ZFAND2B: variants seen among roughly 807,000 people sequenced by gnomAD.
ZFAND2B encodes the protein zinc finger AN1-type containing 2B.
A neutral mutation model predicts 38.2 loss-of-function variants in ZFAND2B; 27 were observed. That is an observed-to-expected ratio of 0.71 (90% confidence interval 0.52 to 0.97). The LOEUF is 0.97. Ranked by LOEUF, ZFAND2B falls within the 50% of genes least tolerant of loss-of-function variation. The probability of loss-of-function intolerance (pLI) is 0.00; values close to 1 mark genes in which losing one functional copy is unlikely to be tolerated. For synonymous variants in ZFAND2B, 111 were observed against 119.4 expected (o/e 0.93, Z 0.46); for missense variants, 303 against 331.5 (o/e 0.91, Z 0.67).
chr2:219,209,073 A>C (rs754477263), intron 8 of ZFAND2B, 24 bp downstream of exon 8: 1 of 1,613,724 alleles, frequency 6.2e-7, no homozygotes, highest in Non-Finnish European at 8.5e-7. Context: ...CTGAAGATAT[A>C]TGCTGCAGTG....
rs1304027894 is a variant in ZFAND2B at position 219,207,690 on chromosome 2, C to G, written c.193C>G (p.Pro65Ala). The G allele has an allele frequency of 7.4e-6, 12 of 1,614,042 alleles. No homozygotes were observed. Among genetic ancestry groups the G allele is most frequent in the African/African-American group, 1.3e-5 (1 of 74,926 alleles). Residue 65 changes from proline (P) to alanine (A), a missense_variant, in exon 3 of 9, where the codon CCT (proline) becomes GCT (alanine). Transcript: ENST00000289528. Reference sequence around the variant, plus strand: ...GTGCCCTCTCTGTAATGTGCCTGTGCCTGTGGCCAGAGGGGAGCCCCCTGA... The same window carrying G: ...GTGCCCTCTCTGTAATGTGCCTGTGGCTGTGGCCAGAGGGGAGCCCCCTGA... ...PVCPLCNVPV[P>A]VARGEPPDRA...
rs1950490723 is a variant in ZFAND2B, at chr2:219,206,873, A to AGGGGC, written c.-109_-105dup. 1.7e-6 allele frequency: 2 copies of AGGGGC among 1,147,598 alleles called. No individual in the cohort carries two copies. The highest frequency in any genetic ancestry group is 2.4e-6 in the Non-Finnish European group (2 of 822,644). 71.1% of individuals were successfully genotyped at this position (1,147,598 alleles called of 1,614,324 possible). Reference sequence around the variant, plus strand: ...AACCCGGGCTGGGCGGGGGAGAGGAAGGGGCGGGGCAGGGAGCCCGCCAGA... The same window carrying AGGGGC: ...AACCCGGGCTGGGCGGGGGAGAGGAAGGGGCGGGGCGGGGCAGGGAGCCCGCCAGA... On this transcript the variant is annotated 5_prime_UTR_variant, in exon 1 of 9. Transcript: ENST00000289528.
In ZFAND2B at chr2:219,209,555, C is replaced by T; in HGVS notation, c.*249C>T. The T allele has an allele frequency of 1.4e-6, 1 of 695,036 alleles. No individual in the cohort carries two copies. The highest frequency in any genetic ancestry group is 2.7e-6 in the Non-Finnish European group (1 of 371,812). 43.1% of individuals were successfully genotyped at this position (695,036 alleles called of 1,614,324 possible). On this transcript the variant is annotated 3_prime_UTR_variant, in exon 9 of 9. Coordinates refer to ENST00000289528, the MANE Select transcript of ZFAND2B (RefSeq NM_138802.3). ...CAGGCCCTACTCTTAGCCCCTTCAT[C>T]ATGTCATCTCCCTTATGCTGGAGCT... is the stretch of plus-strand genomic sequence containing the variant.
rs1323887343 is a variant in ZFAND2B at position 219,207,721 on chromosome 2, C to G, written c.224C>G (p.Ala75Gly). 6.2e-7 allele frequency: 1 copy of G among 1,614,046 alleles called. No individual in the cohort carries two copies. Among genetic ancestry groups the G allele is most frequent in the Non-Finnish European group, 8.5e-7 (1 of 1,180,050 alleles). ...GCCAGAGGGGAGCCCCCTGACCGTG[C>G]TGTGGGAGAGCACATTGACAGAGAC... The part of the protein sequence containing the change: ...PVARGEPPDR[A>G]VGEHIDRDCR... Residue 75 changes from alanine to glycine, a missense_variant, in exon 3 of 9, where the codon GCT becomes GGT. Ala to Gly is a moderately conservative substitution (Grantham distance 60). Transcript: ENST00000289528.
At chr2:219,209,103 G>A in intron 8 of ZFAND2B, 54 bp downstream of exon 8, 1 of 1,601,906 alleles carries the variant, frequency 6.2e-7, no homozygotes, top group Non-Finnish European at 8.6e-7. Flanking sequence ...AAGAAGTCAG[G>A]GATGGGGGTT....
In ZFAND2B at chr2:219,206,866, G is replaced by C. The variant is rs1274842506; in HGVS notation, c.-122G>C. The C allele has an allele frequency of 2.7e-6, 3 of 1,112,634 alleles. No individual in the cohort carries two copies. The highest frequency in any genetic ancestry group is 5.8e-4 in the Middle Eastern group (2 of 3,434). 68.9% of individuals were successfully genotyped at this position (1,112,634 alleles called of 1,614,324 possible). A position where few individuals can be genotyped will look rare whatever the true frequency, so the allele number is the denominator to read the frequency against. On this transcript the variant is annotated 5_prime_UTR_variant, in exon 1 of 9. Transcript: ENST00000289528. ...CTCCGGTAACCCGGGCTGGGCGGGGGAGAGGAAGGGGCGGGGCAGGGAGCC... is the reference window on the plus strand; with the variant it reads ...CTCCGGTAACCCGGGCTGGGCGGGGCAGAGGAAGGGGCGGGGCAGGGAGCC...
chr2:219,207,493 C>G, intron 2 of ZFAND2B, 72 bp downstream of exon 2: 1 of 1,584,570 alleles, frequency 6.3e-7, no homozygotes, highest in Non-Finnish European at 8.7e-7. Context: ...ATCTGTGTCT[C>G]ACGTTTCTTC....
chr2:219,207,141 G>T, intron 1 of ZFAND2B, 99 bp downstream of exon 1: 1 of 986,908 alleles, frequency 1.0e-6, no homozygotes, highest in Non-Finnish European at 1.5e-6. Flanking sequence ...CAATGCCGGG[G>T]GGCGGGGCTT....
rs1365827131 is a variant in ZFAND2B at position 219,209,245 on chromosome 2, C to T, written c.730-17C>T. 6.2e-7 allele frequency: 1 copy of T among 1,602,576 alleles called. No individual in the cohort carries two copies. The highest frequency in any genetic ancestry group is 1.1e-5 in the South Asian group (1 of 89,668). On this transcript the variant is annotated splice_polypyrimidine_tract_variant and intron_variant, in intron 8 of 8. Coordinates refer to ENST00000289528, the MANE Select transcript of ZFAND2B (RefSeq NM_138802.3). ...GTTGCACTGTGTCTTCCCCTCCTTC[C>T]CCTCTCTTTGCTCTAGGCCCAGAGC...
In ZFAND2B at chr2:219,209,404, C is replaced by G. The variant is rs781478679; in HGVS notation, c.*98C>G. On this transcript the variant is annotated 3_prime_UTR_variant, in exon 9 of 9. Coordinates refer to ENST00000289528, the MANE Select transcript of ZFAND2B (RefSeq NM_138802.3). ...AGGAGGCCCGGAGCACCCTGGAGGG[C>G]AGAGACAAGCGGGAGTGATGTGGAG... 1 of 1,434,252 alleles carries G rather than the reference C, an allele frequency of 7.0e-7. No individual in the cohort carries two copies. The highest frequency in any genetic ancestry group is 2.4e-5 in the East Asian group (1 of 41,946). The allele number at this position is 1,434,252 out of a possible 1,614,324, so 88.8% of individuals were successfully genotyped here.
At chr2:219,209,220 G>T (rs368291000) in intron 8 of ZFAND2B, 42 bp from the exon 9 acceptor site, 1 of 1,589,384 alleles carries the variant, frequency 6.3e-7, no homozygotes, top group Non-Finnish European at 8.6e-7. Flanking sequence ...TTTCCTTGAC[G>T]TTGCACTGTG....
Position 219,208,408 on chromosome 2 carries a change from C to T in ZFAND2B, c.528-18C>T, listed in dbSNP as rs757394976. The T allele has an allele frequency of 3.7e-6, 6 of 1,614,130 alleles. No homozygotes were observed. The highest frequency in any genetic ancestry group is 2.7e-5 in the African/African-American group (2 of 74,946). Reference sequence around the variant, plus strand: ...CCCTTCACACCTCTGACCTCCACCTCTTCAATGTCTGTCGTAGAGCCACAA... The same window carrying T: ...CCCTTCACACCTCTGACCTCCACCTTTTCAATGTCTGTCGTAGAGCCACAA... On this transcript the variant is annotated intron_variant, in intron 5 of 8. Transcript: ENST00000289528.
At chr2:219,208,737 G>A (rs909067869) in intron 7 of ZFAND2B, 98 bp downstream of exon 7, 18 of 1,389,678 alleles carry the variant, frequency 1.3e-5, no homozygotes, top group Middle Eastern at 2.0e-4. Flanking sequence ...CAAGATAATC[G>A]CTGGCAACTT....
chr2:219,206,918 A>G lies in ZFAND2B; in HGVS notation c.-70A>G. The G allele has an allele frequency of 6.5e-7, 1 of 1,540,464 alleles. No homozygotes were observed. The highest frequency in any genetic ancestry group is 8.9e-7 in the Non-Finnish European group (1 of 1,129,628). Reference sequence around the variant, plus strand: ...GCCAGAGTGCGGGGTCGCGGTGCGGACTTCGAGCACGAGCCCTAAAGACGC... The same window carrying G: ...GCCAGAGTGCGGGGTCGCGGTGCGGGCTTCGAGCACGAGCCCTAAAGACGC... On this transcript the variant is annotated 5_prime_UTR_variant, in exon 1 of 9. Coordinates refer to ENST00000289528, the MANE Select transcript of ZFAND2B (RefSeq NM_138802.3).
At chr2:219,207,525 T>G (rs964607338) in intron 2 of ZFAND2B, 104 bp downstream of exon 2, 1 of 1,584,440 alleles carries the variant, frequency 6.3e-7, no homozygotes, top group Admixed American at 1.7e-5. Flanking sequence ...CTTCTGAGGC[T>G]GTCAGTGCTG....
chr2:219,208,715 T>C (rs1950530142), intron 7 of ZFAND2B, 76 bp downstream of exon 7: 2 of 1,516,738 alleles, frequency 1.3e-6, no homozygotes, highest in Non-Finnish European at 1.8e-6. Flanking sequence ...GTGGGACCAC[T>C]CTGACACAAT....
At chr2:219,209,155 G>C in intron 8 of ZFAND2B, 106 bp downstream of exon 8, 20 of 1,575,300 alleles carry the variant, frequency 1.3e-5, no homozygotes, top group Non-Finnish European at 1.6e-5. Context: ...GTTATCGTCT[G>C]GTTTTCAGTA....
In ZFAND2B at chr2:219,207,897, A is replaced by T. The variant is rs373368661; in HGVS notation, c.293A>T (p.Asn98Ile). Reference sequence around the variant, plus strand: ...CTCACTTCACCTCAGATCTTCACCAATAAGTGTGAACGCGCTGGCTGCCGG... The same window carrying T: ...CTCACTTCACCTCAGATCTTCACCATTAAGTGTGAACGCGCTGGCTGCCGG... ...PAQQKRKIFT[N>I]KCERAGCRQR... The change falls in exon 4 of 9, where the codon AAT becomes ATT. Residue 98 changes from asparagine to isoleucine, a missense_variant. Physicochemically the swap from Asn to Ile is moderately radical, Grantham distance 149 (BLOSUM62 -3). Transcript: ENST00000289528. 1 of 1,614,158 alleles carries T rather than the reference A, an allele frequency of 6.2e-7. No individual in the cohort carries two copies. The highest frequency in any genetic ancestry group is 8.5e-7 in the Non-Finnish European group (1 of 1,180,030).
rs1343721337 is a variant in ZFAND2B at position 219,208,212 on chromosome 2, A to C, written c.435-44A>C. ...AACTCCCCTCCTGACTTCCTGGGTA[A>C]GGCTAGTTCTTGGAGACATGCCAAA... is the stretch of plus-strand genomic sequence containing the variant. On this transcript the variant is annotated intron_variant, in intron 4 of 8. Coordinates refer to ENST00000289528, the MANE Select transcript of ZFAND2B (RefSeq NM_138802.3). 4.3e-6 allele frequency: 7 copies of C among 1,610,026 alleles called. No homozygotes were observed. In the African/African-American group the frequency reaches 6.7e-5, roughly 15 times the overall value.
Sources: gnomAD v4.1 joint callset for allele counts on GRCh38, gnomAD v4.1.1 for gene constraint, MANE v1.5 for transcripts, NCBI Gene and HGNC (gene_info 2026-07-23, HGNC 2026-07-21) for gene names.